FOCAD: variants seen among roughly 807,000 people sequenced by gnomAD.
FOCAD encodes KIAA1797.
Under a neutral mutation model 225.6 loss-of-function variants are expected in FOCAD, and 198 were observed. That is an observed-to-expected ratio of 0.88 (90% CI 0.78 to 0.99). The LOEUF (loss-of-function observed/expected upper bound fraction) is 0.99, where lower values mean the gene tolerates loss of function less well. FOCAD is among the 50% of genes least tolerant of loss of function. The pLI, the probability that FOCAD is intolerant of heterozygous loss-of-function variation, is 0.00. For synonymous variants in FOCAD, 897 were observed against 755.0 expected, an observed-to-expected ratio of 1.19 and a Z score of -3.08; for missense variants, 2,713 against 2,123.6, an observed-to-expected ratio of 1.28 and a Z score of -5.46.
chr9:20,705,395 A>G (rs1824300737), intron 1 of FOCAD, among the ~76,000 whole-genome samples: 1 of 152,136 alleles, frequency 6.6e-6, no homozygotes, highest in South Asian at 2.1e-4. Context: ...ATCTGCTAAG[A>G]ATTAGGTAGG....
At chr9:20,677,619 A>G (rs1822274424) in intron 2 of FOCAD, among the ~76,000 whole-genome samples, 1 of 152,186 alleles carries the variant, frequency 6.6e-6, no homozygotes, top group Non-Finnish European at 1.5e-5. Flanking sequence ...AATGCTCAAC[A>G]TCAGTAATCA....
At chr9:20,740,129 A>G in intron 4 of FOCAD, 107 bp from the exon 5 acceptor site, 1 of 683,504 alleles carries the variant, frequency 1.5e-6, no homozygotes, top group Non-Finnish European at 2.5e-6. Flanking sequence ...GCTACTGTTT[A>G]ATGTGGGTGG....
chr9:20,668,902 T>G (rs1201026806), intron 2 of FOCAD, among the ~76,000 whole-genome samples: 3 of 151,378 alleles, frequency 2.0e-5, no homozygotes, highest in African/African-American at 7.2e-5. Context: ...CCAGGCTGTG[T>G]GGCACGCTCC....
At position 20,822,155 on chromosome 9, in the gene FOCAD, A is replaced by C. The variant is rs552422161; in HGVS notation, c.1794-834A>C. Among the ~76,000 whole-genome samples, 3 of 152,126 alleles carry C rather than the reference A, an allele frequency of 2.0e-5. No homozygotes were observed. In the South Asian group the frequency reaches 6.2e-4, roughly 32 times the overall value. ...TATAATTAAAGCTGAGGCTCAGGAT[A>C]GACTGAATATCAGACCAGATCAGTC... On this transcript the variant is annotated intron_variant, in intron 14 of 43. Coordinates refer to ENST00000338382, the MANE Select transcript of FOCAD (RefSeq NM_001375567.1).
chr9:20,933,790 C>A (rs1053250515), intron 28 of FOCAD, among the ~76,000 whole-genome samples: 4 of 152,278 alleles, frequency 2.6e-5, no homozygotes, highest in Middle Eastern at 3.4e-3. Flanking sequence ...GGAATCTCCA[C>A]ACTGTTTTCC....
intron 15 of FOCAD, among the ~76,000 whole-genome samples, chr9:20,847,083 A>G (rs562634365): frequency 7.2e-5 from 11 of 152,208 alleles, no homozygotes; most frequent in African/African-American, 2.4e-4. Flanking sequence ...TAAAATTTAT[A>G]TATAATACAG....
intron 31 of FOCAD, 93 bp from the exon 32 acceptor site, chr9:20,948,758 C>A: frequency 2.9e-6 from 4 of 1,364,724 alleles, no homozygotes; most frequent in African/African-American, 1.4e-5. Context: ...GGTACCAATT[C>A]GACCATTTAT....
At chr9:20,902,613 G>T (rs565866191) in intron 21 of FOCAD, among the ~76,000 whole-genome samples, 2 of 152,028 alleles carry the variant, frequency 1.3e-5, no homozygotes, top group East Asian at 3.9e-4. Context: ...GATGTGTTAG[G>T]ACAAGGAAAG....
In FOCAD at chr9:20,817,782, A is replaced by G. The variant is rs933990749; in HGVS notation, c.1456-2014A>G. Among the ~76,000 whole-genome samples, 4 of 152,140 alleles carry G rather than the reference A, an allele frequency of 2.6e-5. No individual in the cohort carries two copies. In the East Asian group the frequency reaches 7.8e-4, roughly 30 times the overall value. The stretch of plus-strand genomic sequence containing the variant: ...TGGTTATACTGTATTTTGTTTATTC[A>G]TCAGTTGATGGACATTGGGTTGTTT... On this transcript the variant is annotated intron_variant, in intron 11 of 43. Transcript: ENST00000338382.
chr9:20,742,002 T>C (rs1827661180), intron 5 of FOCAD, among the ~76,000 whole-genome samples: 1 of 152,190 alleles, frequency 6.6e-6, no homozygotes, highest in Non-Finnish European at 1.5e-5. Flanking sequence ...ATTTAAAATG[T>C]ATGATTCAGT....
At chr9:20,937,631 C>T (rs773953387) in intron 28 of FOCAD, among the ~76,000 whole-genome samples, 8 of 152,086 alleles carry the variant, frequency 5.3e-5, no homozygotes, top group Non-Finnish European at 8.8e-5. Context: ...AAACCCTAGA[C>T]GAAAACCTAG....
At chr9:20,691,074 C>T (rs1351684159) in intron 1 of FOCAD, among the ~76,000 whole-genome samples, 1 of 152,132 alleles carries the variant, frequency 6.6e-6, no homozygotes, top group Non-Finnish European at 1.5e-5. Flanking sequence ...TCCTGAGTAG[C>T]TGGGATTACC....
chr9:20,773,219 A>G (rs1475565440), intron 8 of FOCAD, among the ~76,000 whole-genome samples: 1 of 152,176 alleles, frequency 6.6e-6, no homozygotes, highest in Non-Finnish European at 1.5e-5. Context: ...CCTTTAGCAT[A>G]TATTTATTAA....
intron 5 of FOCAD, among the ~76,000 whole-genome samples, chr9:20,754,394 G>T (rs1828851271): frequency 6.6e-6 from 1 of 151,938 alleles, no homozygotes; most frequent in Admixed American, 6.6e-5. Flanking sequence ...TTTTACATTT[G>T]TTTTCCATTT....
rs1840381711 is a variant in FOCAD at position 20,978,280 on chromosome 9, C to A, written c.4262-59C>A. ...ATGCTTTGATTTGAGATATTAAAGC[C>A]TGAAAATGAGTCAGGAAAGTAACTA... On this transcript the variant is annotated intron_variant, in intron 36 of 43. Transcript: ENST00000338382. 4 of 1,137,842 alleles carry A rather than the reference C, an allele frequency of 3.5e-6. No individual in the cohort carries two copies. The East Asian group carries it at 8.3e-5, about 24-fold the overall frequency. The allele number at this position is 1,137,842 out of a possible 1,614,324, so 70.5% of individuals were successfully genotyped here.
intron 2 of FOCAD, among the ~76,000 whole-genome samples, chr9:20,663,770 T>C (rs1821812630): frequency 6.6e-6 from 1 of 152,234 alleles, no homozygotes; most frequent in South Asian, 2.1e-4. Context: ...CTTTTCAGAC[T>C]TCTGCATTTT....
intron 2 of FOCAD, among the ~76,000 whole-genome samples, chr9:20,663,758 T>A (rs1006232374): frequency 1.6e-4 from 24 of 152,234 alleles, no homozygotes; most frequent in Non-Finnish European, 2.1e-4. Context: ...TGAAAGACTT[T>A]CCTTTTCAGA....
chr9:20,759,249 G>A (rs1829346226), intron 6 of FOCAD, among the ~76,000 whole-genome samples: 1 of 152,140 alleles, frequency 6.6e-6, no homozygotes, highest in Admixed American at 6.5e-5. Flanking sequence ...AGCCCGCATT[G>A]CCAAGTCAAT....
intron 27 of FOCAD, 94 bp from the exon 28 acceptor site, chr9:20,932,920 C>G: frequency 1.2e-6 from 1 of 855,564 alleles, no homozygotes; most frequent in Non-Finnish European, 1.9e-6. Flanking sequence ...GCTGGTATTT[C>G]CAGTAAAATA....
Sources: gnomAD v4.1 joint callset for allele counts (sites outside exome capture counted in the v4.1 genomes callset) on GRCh38, gnomAD v4.1.1 for gene constraint, MANE v1.5 for transcripts, NCBI Gene and HGNC (gene_info 2026-07-23, HGNC 2026-07-21) for gene names.